NALF1: variants seen among roughly 807,000 people sequenced by gnomAD.
The protein encoded by NALF1 is NALCN channel auxiliary factor 1.
Under a neutral mutation model 48.4 loss-of-function variants are expected in NALF1, and 3 were observed. The observed-to-expected ratio is 0.06, with a 90% CI of 0.03 to 0.16. The LOEUF (loss-of-function observed/expected upper bound fraction) is 0.16. NALF1 is among the 10% of genes least tolerant of loss of function. NALF1 has a pLI of 1.00. For synonymous variants in NALF1, 262 were observed against 245.7 expected (o/e 1.07, Z -0.62); for missense variants, 526 against 571.5 (o/e 0.92, Z 0.81).
chr13:107,440,748 C>T (rs141332609), intron 1 of NALF1, among the ~76,000 whole-genome samples: 181 of 152,246 alleles, frequency 1.2e-3, no homozygotes, highest in African/African-American at 4.3e-3. Flanking sequence ...ACCGAATTCT[C>T]CAAGTTAAAA....
chr13:107,633,855 CAT>C (rs1262242749), intron 1 of NALF1, among the ~76,000 whole-genome samples: 2 of 142,834 alleles, frequency 1.4e-5, no homozygotes, highest in East Asian at 2.0e-4. Flanking sequence ...TATTTGCTCA[CAT>C]ATATGTGTGT....
chr13:107,845,977 G>C (rs530974509), intron 1 of NALF1, among the ~76,000 whole-genome samples: 1 of 152,166 alleles, frequency 6.6e-6, no homozygotes, highest in East Asian at 1.9e-4. Context: ...ATATATATTA[G>C]AGTATACAGC....
Position 107,823,485 on chromosome 13 carries a change from C to G in NALF1, c.915+42197G>C, listed in dbSNP as rs531720628. On this transcript the variant is annotated intron_variant, in intron 1 of 2. Coordinates refer to ENST00000375915, the MANE Select transcript of NALF1 (RefSeq NM_001080396.3). ...CACATCTCTTCACCACGGCCAAGAA[C>G]CCATGTCTGGATTTGCCTCTGCGTA... Among the ~76,000 whole-genome samples, 7 of 152,286 alleles carry G rather than the reference C, an allele frequency of 4.6e-5. No individual in the cohort carries two copies. The East Asian group carries it at 7.7e-4, about 17-fold the overall frequency.
chr13:107,358,495 A>G (rs1883003528), intron 1 of NALF1, among the ~76,000 whole-genome samples: 1 of 152,218 alleles, frequency 6.6e-6, no homozygotes, highest in Non-Finnish European at 1.5e-5. Context: ...CATGTCTACC[A>G]TATTATAAGA....
chr13:107,752,718 T>C (rs1041320017), intron 1 of NALF1, among the ~76,000 whole-genome samples: 6 of 152,166 alleles, frequency 3.9e-5, no homozygotes, highest in Admixed American at 3.9e-4. Flanking sequence ...AGACTCTTAA[T>C]AATTTGTTCA....
intron 1 of NALF1, among the ~76,000 whole-genome samples, chr13:107,635,722 G>A (rs1403871366): frequency 1.3e-5 from 2 of 152,126 alleles, no homozygotes; most frequent in African/African-American, 2.4e-5. Flanking sequence ...AGCCATGCAT[G>A]GACGACACTT....
chr13:107,274,634 A>G (rs2138867142), intron 1 of NALF1, among the ~76,000 whole-genome samples: 1 of 152,350 alleles, frequency 6.6e-6, no homozygotes, highest in East Asian at 1.9e-4. Context: ...TTAAAGTCAC[A>G]TGATCAGTAG....
chr13:107,548,364 A>G lies in NALF1; in HGVS notation c.915+317318T>C, dbSNP rs1594122673. On this transcript the variant is annotated intron_variant, in intron 1 of 2. Coordinates refer to ENST00000375915, the MANE Select transcript of NALF1 (RefSeq NM_001080396.3). ...ATATGCACCACATTTTCTTTATCCA[A>G]TCTGTCATTGATGGGCATTTACACT... Among the ~76,000 whole-genome samples the G allele has an allele frequency of 2.0e-5, 3 of 151,986 alleles. No individual in the cohort carries two copies. The East Asian group carries it at 5.8e-4, about 30-fold the overall frequency.
intron 1 of NALF1, among the ~76,000 whole-genome samples, chr13:107,657,745 C>T (rs1383261594): frequency 6.6e-6 from 1 of 152,100 alleles, no homozygotes; most frequent in South Asian, 2.1e-4. Context: ...TTTGTTATTT[C>T]GAGGTATATG....
intron 1 of NALF1, among the ~76,000 whole-genome samples, chr13:107,399,192 T>C (rs892719268): frequency 6.6e-6 from 1 of 152,126 alleles, no homozygotes; most frequent in Admixed American, 6.6e-5. Context: ...TTTTGGTCAC[T>C]GGGAAACAAA....
At position 107,753,729 on chromosome 13, in the gene NALF1, A is replaced by G. The variant is rs369032283; in HGVS notation, c.915+111953T>C. On this transcript the variant is annotated intron_variant, in intron 1 of 2. Transcript: ENST00000375915. ...TGAGGACATTGAAAGTAAACTTTAT[A>G]GGTATACGTCATTATTTTTAAAGTT... Among the ~76,000 whole-genome samples the G allele has an allele frequency of 3.3e-5, 5 of 152,270 alleles. No homozygotes were observed. The East Asian group carries it at 7.7e-4, about 23-fold the overall frequency.
intron 1 of NALF1, among the ~76,000 whole-genome samples, chr13:107,757,714 G>GTCTGTCCTAAGACCT (rs1197989925): frequency 6.6e-6 from 1 of 152,068 alleles, no homozygotes; most frequent in Non-Finnish European, 1.5e-5. Flanking sequence ...GCATAAATCT[G>GTCTGTCCTAAGACCT]TCTGTCCTAA....
At chr13:107,753,144 C>T (rs1876986834) in intron 1 of NALF1, among the ~76,000 whole-genome samples, 1 of 152,210 alleles carries the variant, frequency 6.6e-6, no homozygotes, top group Admixed American at 6.5e-5. Flanking sequence ...CTCCTTGCAG[C>T]CCTGGGTTTG....
intron 1 of NALF1, among the ~76,000 whole-genome samples, chr13:107,778,680 T>C (rs1024249584): frequency 2.0e-5 from 3 of 152,282 alleles, no homozygotes; most frequent in Non-Finnish European, 2.9e-5. Flanking sequence ...ATTTTCAGTG[T>C]GGACAGGAGA....
chr13:107,215,187 T>C (rs1370764408), intron 1 of NALF1, among the ~76,000 whole-genome samples: 1 of 152,246 alleles, frequency 6.6e-6, no homozygotes, highest in African/African-American at 2.4e-5. Context: ...TGGGCGGCTG[T>C]TGAAATTACA....
At position 107,592,426 on chromosome 13, in the gene NALF1, T is replaced by C. The variant is rs140788057; in HGVS notation, c.915+273256A>G. On this transcript the variant is annotated intron_variant, in intron 1 of 2. Transcript: ENST00000375915. Reference sequence around the variant, plus strand: ...AAAATATTATTCCAACTATTTTTATTATATAAGAGAGTTTTATTAAAAGTA... The same window carrying C: ...AAAATATTATTCCAACTATTTTTATCATATAAGAGAGTTTTATTAAAAGTA... Among the ~76,000 whole-genome samples the C allele has an allele frequency of 7.2e-5, 11 of 152,070 alleles. No homozygotes were observed. The East Asian group carries it at 1.9e-3, about 27-fold the overall frequency.
At chr13:107,292,992 C>CTTTTTATTTT in intron 1 of NALF1, among the ~76,000 whole-genome samples, 1 of 110,638 alleles carries the variant, frequency 9.0e-6, no homozygotes, top group African/African-American at 3.3e-5. Flanking sequence ...TTTTCTTTTT[C>CTTTTTATTTT]TTTTTTTTTT....
intron 1 of NALF1, among the ~76,000 whole-genome samples, chr13:107,600,052 T>C (rs1878878893): frequency 6.6e-6 from 1 of 152,240 alleles, no homozygotes; most frequent in South Asian, 2.1e-4. Context: ...TTGCTTTTCA[T>C]CTGGTGGTTA....
intron 1 of NALF1, chr13:107,466,610 G>A (rs888977788): frequency 2.6e-5 from 4 of 152,248 alleles, no homozygotes; most frequent in African/African-American, 4.8e-5. Flanking sequence ...AACTGCCTTC[G>A]TCCTTGTGGT....
Sources: allele counts gnomAD v4.1 joint callset (sites outside exome capture counted in the v4.1 genomes callset), GRCh38; gene constraint gnomAD v4.1.1; transcripts MANE v1.5; gene names NCBI Gene and HGNC (gene_info 2026-07-23, HGNC 2026-07-21).